The following ERLIN1 variants were observed in gnomAD, a reference collection of about 807,000 sequenced individuals.
ERLIN1 encodes erlin-1.
Under a neutral mutation model 46.9 loss-of-function variants are expected in ERLIN1, and 24 were observed. The observed-to-expected ratio is 0.51, with a 90% CI of 0.37 to 0.72. The LOEUF is 0.72. Among genes scored for constraint, ERLIN1 ranks in the 30% least tolerant of loss-of-function variants. The pLI, the probability that ERLIN1 is intolerant of heterozygous loss-of-function variation, is 0.00. For missense variants in ERLIN1, 293 were observed against 417.9 expected, an observed-to-expected ratio of 0.70 and a Z score of 2.61; for synonymous variants, 158 against 143.2, an observed-to-expected ratio of 1.10 and a Z score of -0.74.
At chr10:100,183,621 G>T in intron 2 of ERLIN1, 135 bp downstream of exon 2, 2 of 566,878 alleles carry the variant, frequency 3.5e-6, no homozygotes, top group South Asian at 2.6e-5. Flanking sequence ...ACTGTACTCT[G>T]AACGTTAACT....
chr10:100,157,876 C>A (rs1843158044), intron 8 of ERLIN1, among the ~76,000 whole-genome samples: 1 of 152,216 alleles, frequency 6.6e-6, no homozygotes, highest in Non-Finnish European at 1.5e-5. Context: ...GACCAGACTT[C>A]TAGAAAAATG....
At chr10:100,159,430 A>G (rs539838309) in intron 8 of ERLIN1, among the ~76,000 whole-genome samples, 1 of 152,334 alleles carries the variant, frequency 6.6e-6, no homozygotes, top group Non-Finnish European at 1.5e-5. Context: ...CCAAATGAGT[A>G]TATAAAGAAA....
chr10:100,173,955 T>C (rs1293709409), intron 6 of ERLIN1, among the ~76,000 whole-genome samples: 1 of 152,226 alleles, frequency 6.6e-6, no homozygotes, highest in Non-Finnish European at 1.5e-5. Context: ...GCTTCATACA[T>C]GGCAGAAATA....
Position 100,152,244 on chromosome 10 carries a change from A to C in ERLIN1, c.934T>G (p.Cys312Gly), listed in dbSNP as rs147388040. 10 of 1,611,866 alleles carry C rather than the reference A, an allele frequency of 6.2e-6. No individual in the cohort carries two copies. The highest frequency in any genetic ancestry group is 8.5e-6 in the Non-Finnish European group (10 of 1,178,012). ...NIPNMFVDSS[C>G]ALKYSDIRTG... ...CTAATATCTGAATATTTCAAAGCAC[A>C]TGAGGAGTCCACGAACATGTTAGGG... The change falls in exon 11 of 11, where the codon TGT becomes GGT. Residue 312 changes from cysteine to glycine, a missense_variant. Physicochemically the swap from Cys to Gly is radical, Grantham distance 159. Around this residue, in one of 3 missense-constraint regions of ERLIN1, gnomAD observed 69 missense variants for 74.5 expected, o/e 0.93. Coordinates refer to ENST00000421367, the MANE Select transcript of ERLIN1 (RefSeq NM_006459.4).
At chr10:100,179,513 G>C (rs1005857114) in intron 2 of ERLIN1, among the ~76,000 whole-genome samples, 3 of 151,486 alleles carry the variant, frequency 2.0e-5, no homozygotes, top group Non-Finnish European at 4.4e-5. Flanking sequence ...CTGGAATGCA[G>C]TGGTGCAATC....
chr10:100,185,668 CGTGA>C lies in ERLIN1; in HGVS notation c.-46_-43del. On this transcript the variant is annotated 5_prime_UTR_variant, in exon 1 of 11. The change abolishes the stop of an existing upstream ORF in the 5' untranslated region. Coordinates refer to ENST00000421367, the MANE Select transcript of ERLIN1 (RefSeq NM_006459.4). ...AGCGGGAGAAAAGGACCCTCAGTCC[CGTGA>C]GTGACAGGTCCACCCCCTCCAGTTT... is the stretch of plus-strand genomic sequence containing the variant. 6.6e-7 allele frequency: 1 copy of C among 1,512,996 alleles called. No individual in the cohort carries two copies. The highest frequency in any genetic ancestry group is 1.7e-5 in the Admixed American group (1 of 59,790). The allele number at this position is 1,512,996 out of a possible 1,614,324, so 93.7% of individuals were successfully genotyped here.
At chr10:100,154,512 A>C (rs535391814) in intron 10 of ERLIN1, among the ~76,000 whole-genome samples, 1 of 152,352 alleles carries the variant, frequency 6.6e-6, no homozygotes, top group Non-Finnish European at 1.5e-5. Context: ...CTTTGATGAG[A>C]AATACTGCTC....
At chr10:100,166,821 C>T (rs549089776) in intron 7 of ERLIN1, among the ~76,000 whole-genome samples, 1 of 152,294 alleles carries the variant, frequency 6.6e-6, no homozygotes, top group South Asian at 2.1e-4. Context: ...CCCAGTCAGC[C>T]CTGGATACAT....
At chr10:100,166,255 A>G (rs1843632958) in intron 7 of ERLIN1, among the ~76,000 whole-genome samples, 1 of 152,126 alleles carries the variant, frequency 6.6e-6, no homozygotes, top group African/African-American at 2.4e-5. Context: ...CTCCGTCTCT[A>G]TGAAAAATAC....
intron 1 of ERLIN1, among the ~76,000 whole-genome samples, chr10:100,184,058 T>C (rs1844818347): frequency 6.6e-6 from 1 of 152,190 alleles, no homozygotes; most frequent in Non-Finnish European, 1.5e-5. Flanking sequence ...TTTCATAAGC[T>C]CAACCAACCG....
At chr10:100,156,816 C>CAGCT (rs1289575559) in intron 8 of ERLIN1, among the ~76,000 whole-genome samples, 2 of 151,914 alleles carry the variant, frequency 1.3e-5, no homozygotes, top group Non-Finnish European at 2.9e-5. Context: ...AGTTCAAGAC[C>CAGCT]AGCTTAAGCA....
intron 10 of ERLIN1, among the ~76,000 whole-genome samples, chr10:100,153,321 C>G (rs1045252651): frequency 6.6e-6 from 1 of 151,950 alleles, no homozygotes; most frequent in East Asian, 1.9e-4. Context: ...TAAAACTCGT[C>G]GACCACCAGA....
intron 10 of ERLIN1, 93 bp downstream of exon 10, chr10:100,154,767 G>A (rs1842985520): frequency 2.1e-6 from 2 of 971,614 alleles, no homozygotes; most frequent in African/African-American, 1.6e-5. Context: ...TCTTGACAAT[G>A]GATAAAATCA....
intron 6 of ERLIN1, among the ~76,000 whole-genome samples, chr10:100,170,712 G>A (rs1385531388): frequency 6.6e-6 from 1 of 152,160 alleles, no homozygotes; most frequent in South Asian, 2.1e-4. Flanking sequence ...AGGGTGAGGC[G>A]ATTGTCAAAG....
chr10:100,176,118 G>A (rs1197045397), intron 4 of ERLIN1, 48 bp from the exon 5 acceptor site: 1 of 1,551,422 alleles, frequency 6.4e-7, no homozygotes, highest in Non-Finnish European at 8.8e-7. Flanking sequence ...CAATGACACA[G>A]GTACCTTCAA....
chr10:100,153,525 C>T (rs1043758471), intron 10 of ERLIN1, among the ~76,000 whole-genome samples: 1 of 152,212 alleles, frequency 6.6e-6, no homozygotes, highest in Non-Finnish European at 1.5e-5. Flanking sequence ...AAAAGTCCAT[C>T]TTGTCCTTCA....
chr10:100,185,645 CG>C lies in ERLIN1; in HGVS notation c.-20del. The C allele has an allele frequency of 6.2e-7, 1 of 1,604,182 alleles. No homozygotes were observed. The highest frequency in any genetic ancestry group is 8.5e-7 in the Non-Finnish European group (1 of 1,171,202). On this transcript the variant is annotated 5_prime_UTR_variant, in exon 1 of 11. Coordinates refer to ENST00000421367, the MANE Select transcript of ERLIN1 (RefSeq NM_006459.4). ...TATTCATTCTCGTTCCTCCTGGGAG[CG>C]GGAGAAAAGGACCCTCAGTCCCGTG...
chr10:100,155,756 C>T lies in ERLIN1; in HGVS notation c.745+389G>A, dbSNP rs577862402. ...GTCTCGATCTCCTGACCTTGTGATC[C>T]GCCCGCCTCGGCCTCCCAAAGTGCT... On this transcript the variant is annotated intron_variant, in intron 9 of 10. Coordinates refer to ENST00000421367, the MANE Select transcript of ERLIN1 (RefSeq NM_006459.4). 8.7e-4 allele frequency among the ~76,000 whole-genome samples: 133 copies of T among 152,258 alleles called. 1 individual carries two copies. Among genetic ancestry groups the T allele is most frequent in the Non-Finnish European group, 8.1e-4 (55 of 67,994 alleles).
chr10:100,178,172 C>A lies in ERLIN1; in HGVS notation c.265G>T (p.Asp89Tyr). 6.3e-7 allele frequency: 1 copy of A among 1,575,908 alleles called. No individual in the cohort carries two copies. The highest frequency in any genetic ancestry group is 1.2e-5 in the South Asian group (1 of 85,702). ...GTSGGVMIYIDRIEVVNMLAP... is the reference protein window; with the variant it reads ...GTSGGVMIYIYRIEVVNMLAP... Reference sequence around the variant, plus strand: ...AACATATTAACCACTTCTATTCGGTCAATATAGATCATGACCCCACCACTA... The same window carrying A: ...AACATATTAACCACTTCTATTCGGTAAATATAGATCATGACCCCACCACTA... Residue 89 changes from aspartate (D) to tyrosine (Y), a missense_variant, in exon 4 of 11, where the codon GAC (aspartate) becomes TAC (tyrosine). By Grantham distance (160) the Asp-to-Tyr change is radical. Coordinates refer to ENST00000421367, the MANE Select transcript of ERLIN1 (RefSeq NM_006459.4).
Sources: allele counts gnomAD v4.1 joint callset (sites outside exome capture counted in the v4.1 genomes callset), GRCh38; gene constraint gnomAD v4.1.1; regional missense constraint gnomAD v4.1.1; transcripts MANE v1.5; gene names NCBI Gene and HGNC (gene_info 2026-07-23, HGNC 2026-07-21).